CNTN6: variants seen among roughly 807,000 people sequenced by gnomAD.
CNTN6 encodes contactin 6.
A neutral mutation model predicts 122.8 loss-of-function variants in CNTN6; 137 were observed. The ratio of observed to expected loss-of-function variants is 1.12; its 90% CI spans 0.97 to 1.29. The LOEUF (loss-of-function observed/expected upper bound fraction) is 1.29. Among genes scored for constraint, CNTN6 ranks in the 50% most tolerant of loss-of-function variants. The pLI, the probability that CNTN6 is intolerant of heterozygous loss-of-function variation, is 0.00. For synonymous variants in CNTN6, 570 were observed against 426.0 expected (o/e 1.34, Z -4.16); for missense variants, 1,634 against 1,223.4 (o/e 1.34, Z -5.01).
chr3:1,364,111 A>G (rs1707870129), intron 12 of CNTN6, among the ~76,000 whole-genome samples: 1 of 151,980 alleles, frequency 6.6e-6, no homozygotes, highest in Non-Finnish European at 1.5e-5. Flanking sequence ...AACCATGTAT[A>G]TAGAGGAAGT....
chr3:1,179,291 T>G lies in CNTN6; in HGVS notation c.55+31228T>G, dbSNP rs139763928. On this transcript the variant is annotated intron_variant, in intron 2 of 22. Transcript: ENST00000446702. ...CCACTTCCAACACTAAAGGTTATATTTCAGCATGAGATTTGGAGATGACAA... is the reference window on the plus strand; with the variant it reads ...CCACTTCCAACACTAAAGGTTATATGTCAGCATGAGATTTGGAGATGACAA... Among the ~76,000 whole-genome samples, 210 of 152,208 alleles carry G rather than the reference T, an allele frequency of 1.4e-3. 1 individual carries two copies. The highest frequency in any genetic ancestry group is 4.9e-3 in the African/African-American group (202 of 41,528).
chr3:1,097,905 T>C (rs2090617495), intron 1 of CNTN6, among the ~76,000 whole-genome samples: 1 of 152,100 alleles, frequency 6.6e-6, no homozygotes, highest in African/African-American at 2.4e-5. Flanking sequence ...ATCTAATCAA[T>C]TGTATTGGGT....
At chr3:1,223,680 A>G (rs35771006) in intron 3 of CNTN6, among the ~76,000 whole-genome samples, 16,673 of 152,264 alleles carry the variant, frequency 0.11, 985 homozygotes, top group African/African-American at 0.13. Context: ...AATTATTTCT[A>G]AATAGAATAT....
intron 12 of CNTN6, among the ~76,000 whole-genome samples, chr3:1,368,570 G>A (rs1325948177): frequency 6.6e-6 from 1 of 152,032 alleles, no homozygotes; most frequent in African/African-American, 2.4e-5. Context: ...CATTTGCCAG[G>A]AGTGACTGAT....
chr3:1,102,973 G>A (rs1176103576), intron 1 of CNTN6, among the ~76,000 whole-genome samples: 3 of 149,674 alleles, frequency 2.0e-5, no homozygotes, highest in African/African-American at 7.6e-5. Flanking sequence ...CGGGCGTGGT[G>A]GCGGCGCCTG....
chr3:1,287,089 C>A (rs890224727), intron 5 of CNTN6, among the ~76,000 whole-genome samples: 2 of 152,102 alleles, frequency 1.3e-5, no homozygotes, highest in African/African-American at 4.8e-5. Context: ...TAGAGTCTTA[C>A]AAAGAAACTT....
At chr3:1,148,109 C>G in intron 2 of CNTN6, 46 bp downstream of exon 2, 1 of 1,448,042 alleles carries the variant, frequency 6.9e-7, no homozygotes, top group South Asian at 1.2e-5. Context: ...AATATATTGG[C>G]ATTGTATTTC....
At chr3:1,331,747 C>T (rs1024412234) in intron 11 of CNTN6, among the ~76,000 whole-genome samples, 3 of 151,412 alleles carry the variant, frequency 2.0e-5, no homozygotes, top group Non-Finnish European at 4.4e-5. Flanking sequence ...ATTTACCTTC[C>T]ACAAGCTTTA....
At position 1,383,135 on chromosome 3, in the gene CNTN6, G is replaced by A. The variant is rs752479693; in HGVS notation, c.2360G>A (p.Gly787Glu). ...GGTGTGTATAATAATGAAGGAGAAG[G>A]ATCCCTGAGTACTGTGACCATTGTC... ...KVGVYNNEGE[G>E]SLSTVTIVYS... Residue 787 changes from glycine to glutamate, a missense_variant, in exon 18 of 23, where the codon GGA becomes GAA. Transcript: ENST00000446702. 2.4e-5 allele frequency: 39 copies of A among 1,613,918 alleles called. No individual in the cohort carries two copies. Among genetic ancestry groups the A allele is most frequent in the Non-Finnish European group, 3.1e-5 (36 of 1,179,954 alleles).
At chr3:1,286,824 C>T (rs940642124) in intron 5 of CNTN6, among the ~76,000 whole-genome samples, 20 of 151,968 alleles carry the variant, frequency 1.3e-4, no homozygotes, top group African/African-American at 4.8e-4. Flanking sequence ...CATAGGAGAC[C>T]CACCTCATGT....
intron 7 of CNTN6, among the ~76,000 whole-genome samples, chr3:1,300,531 GAA>G (rs1292060871): frequency 8.2e-6 from 1 of 122,570 alleles, no homozygotes; most frequent in African/African-American, 4.8e-5. Context: ...GAAAGATAAA[GAA>G]AGAGAGAGAA....
Position 1,372,929 on chromosome 3 carries a change from C to G in CNTN6, c.1760C>G (p.Ser587Cys). 6.3e-7 allele frequency: 1 copy of G among 1,594,686 alleles called. No homozygotes were observed. Among genetic ancestry groups the G allele is most frequent in the South Asian group, 1.1e-5 (1 of 89,506 alleles). ...GTACAAACAACCCTAGAAAGTTTAT[C>G]TGCAGTAGCCGATATCATTGTTAGA... Reference protein sequence around the residue: ...CTVQTTLESLSAVADIIVRGP... With the variant: ...CTVQTTLESLCAVADIIVRGP... The change falls in exon 14 of 23, where the codon TCT becomes TGT. Residue 587 changes from serine to cysteine, a missense_variant. Ser to Cys is a moderately radical substitution (Grantham distance 112). Coordinates refer to ENST00000446702, the MANE Select transcript of CNTN6 (RefSeq NM_001289080.2).
intron 20 of CNTN6, among the ~76,000 whole-genome samples, chr3:1,392,198 C>G (rs1192701540): frequency 2.6e-5 from 4 of 152,026 alleles, no homozygotes; most frequent in African/African-American, 7.3e-5. Flanking sequence ...GTACTGGTAC[C>G]AAAACAGAGA....
chr3:1,246,018 G>A (rs2094578786), intron 4 of CNTN6, among the ~76,000 whole-genome samples: 2 of 152,176 alleles, frequency 1.3e-5, no homozygotes, highest in Admixed American at 1.3e-4. Context: ...CCTGAGGGCT[G>A]TAGGTTGGAC....
chr3:1,320,547 A>C (rs1315448252), intron 7 of CNTN6, among the ~76,000 whole-genome samples: 1 of 151,734 alleles, frequency 6.6e-6, no homozygotes, highest in Non-Finnish European at 1.5e-5. Flanking sequence ...CTCTTCTTCA[A>C]GGTTTACCAA....
chr3:1,313,622 C>T (rs906722793), intron 7 of CNTN6, among the ~76,000 whole-genome samples: 1 of 152,050 alleles, frequency 6.6e-6, no homozygotes, highest in Non-Finnish European at 1.5e-5. Context: ...CATTCTGTTA[C>T]CACTGCTATT....
intron 12 of CNTN6, among the ~76,000 whole-genome samples, chr3:1,368,648 A>G (rs1261667852): frequency 6.6e-6 from 1 of 152,180 alleles, no homozygotes; most frequent in Non-Finnish European, 1.5e-5. Flanking sequence ...CTAGTAAACA[A>G]TTGACCAGAA....
intron 1 of CNTN6, among the ~76,000 whole-genome samples, chr3:1,134,390 T>G (rs182144873): frequency 6.6e-6 from 1 of 152,242 alleles, no homozygotes; most frequent in Non-Finnish European, 1.5e-5. Context: ...TGAGCTAGTC[T>G]CCTACAGTGT....
At chr3:1,308,740 G>A in intron 7 of CNTN6, among the ~76,000 whole-genome samples, 1 of 151,916 alleles carries the variant, frequency 6.6e-6, no homozygotes, top group East Asian at 1.9e-4. Context: ...AATACCACCA[G>A]TAATAAATTA....
Sources: allele counts gnomAD v4.1 joint callset (sites outside exome capture counted in the v4.1 genomes callset), GRCh38; gene constraint gnomAD v4.1.1; transcripts MANE v1.5; gene names NCBI Gene and HGNC (gene_info 2026-07-23, HGNC 2026-07-21).